The following B3GLCT variants were observed in gnomAD, a reference collection of about 807,000 sequenced individuals.
The protein encoded by B3GLCT is beta 3-glucosyltransferase, also known as beta-1,3-glucosyltransferase.
B3GLCT carries 65 observed loss-of-function variants against 63.4 expected under a neutral mutation model. The ratio of observed to expected loss-of-function variants is 1.03; its 90% CI spans 0.84 to 1.26. B3GLCT has a LOEUF of 1.26. B3GLCT is among the 50% of genes most tolerant of loss of function. The pLI is 0.00. For missense variants in B3GLCT, 577 were observed against 604.8 expected (o/e 0.95, Z 0.48); for synonymous variants, 233 against 219.2 (o/e 1.06, Z -0.55).
chr13:31,233,920 G>C (rs1384703864), intron 4 of B3GLCT, among the ~76,000 whole-genome samples: 1 of 152,092 alleles, frequency 6.6e-6, no homozygotes, highest in Non-Finnish European at 1.5e-5. Context: ...CAAAGTACTG[G>C]GGATACAAAG....
intron 9 of B3GLCT, 98 bp downstream of exon 9, chr13:31,274,726 G>C: frequency 6.8e-7 from 1 of 1,477,746 alleles, no homozygotes; most frequent in Non-Finnish European, 9.4e-7. Context: ...TTTAAATTCA[G>C]GGCATTCATG....
intron 12 of B3GLCT, among the ~76,000 whole-genome samples, chr13:31,300,108 C>T (rs1207702781): frequency 6.6e-6 from 1 of 152,120 alleles, no homozygotes; most frequent in Non-Finnish European, 1.5e-5. Context: ...TTGCCATCCT[C>T]AAACCAAGTA....
At chr13:31,283,864 T>A (rs1367272666) in intron 10 of B3GLCT, among the ~76,000 whole-genome samples, 1 of 152,224 alleles carries the variant, frequency 6.6e-6, no homozygotes. Flanking sequence ...ATGTTTTTTC[T>A]ATTGAAAAAA....
chr13:31,227,235 C>T (rs1156862857), intron 3 of B3GLCT, among the ~76,000 whole-genome samples: 1 of 151,990 alleles, frequency 6.6e-6, no homozygotes, highest in Non-Finnish European at 1.5e-5. Flanking sequence ...ACACTTTTGT[C>T]ATATATCCTT....
chr13:31,262,753 A>G (rs1872101155), intron 7 of B3GLCT, among the ~76,000 whole-genome samples: 2 of 152,148 alleles, frequency 1.3e-5, no homozygotes, highest in Admixed American at 6.5e-5. Context: ...AGGCTGAGCC[A>G]CTGTTCCTTT....
chr13:31,213,624 C>CCCCA (rs1869401428), intron 1 of B3GLCT, among the ~76,000 whole-genome samples: 1 of 73,024 alleles, frequency 1.4e-5, no homozygotes, highest in Non-Finnish European at 3.1e-5. Flanking sequence ...CCACCCCACC[C>CCCCA]CCCCCCCCCG....
intron 6 of B3GLCT, among the ~76,000 whole-genome samples, chr13:31,249,739 G>T (rs1871343484): frequency 6.6e-6 from 1 of 152,164 alleles, no homozygotes; most frequent in Non-Finnish European, 1.5e-5. Context: ...AACCATCCAG[G>T]ATGCTTTATT....
intron 6 of B3GLCT, among the ~76,000 whole-genome samples, chr13:31,255,785 T>C (rs1435870282): frequency 6.6e-6 from 1 of 152,048 alleles, no homozygotes; most frequent in Non-Finnish European, 1.5e-5. Context: ...TTACACCTTA[T>C]GAAAAAATTA....
intron 2 of B3GLCT, 23 bp from the exon 3 acceptor site, chr13:31,222,929 T>A (rs377596461): frequency 2.7e-6 from 4 of 1,464,166 alleles, no homozygotes; most frequent in Non-Finnish European, 3.8e-6. Context: ...GATTCATCTT[T>A]TTCTCTTTCA....
intron 8 of B3GLCT, among the ~76,000 whole-genome samples, chr13:31,269,812 G>A (rs1872503795): frequency 6.6e-6 from 1 of 152,170 alleles, no homozygotes; most frequent in Non-Finnish European, 1.5e-5. Context: ...TGAGGATACA[G>A]CTAGAAGGTG....
At chr13:31,227,023 G>T (rs951078327) in intron 3 of B3GLCT, among the ~76,000 whole-genome samples, 1 of 151,998 alleles carries the variant, frequency 6.6e-6, no homozygotes, top group African/African-American at 2.4e-5. Context: ...ATATATTTAT[G>T]TTTATATTGT....
intron 14 of B3GLCT, among the ~76,000 whole-genome samples, chr13:31,325,945 G>A (rs1875582044): frequency 1.3e-5 from 2 of 152,166 alleles, no homozygotes; most frequent in South Asian, 4.1e-4. Flanking sequence ...GATTTAGAAG[G>A]GGACTCCAGG....
chr13:31,256,732 T>G (rs958388166), intron 6 of B3GLCT, among the ~76,000 whole-genome samples: 2 of 152,092 alleles, frequency 1.3e-5, no homozygotes, highest in African/African-American at 4.8e-5. Context: ...TGAGAACACA[T>G]GGACACAGGG....
rs1489662787 is a variant in B3GLCT, at chr13:31,330,711, T to C, written c.*1043T>C. On this transcript the variant is annotated 3_prime_UTR_variant, in exon 15 of 15. Coordinates refer to ENST00000343307, the MANE Select transcript of B3GLCT (RefSeq NM_194318.4). The stretch of plus-strand genomic sequence containing the variant: ...GTTTTCAAATTATATCTTTAATATA[T>C]AGTAATGTAACATATTCAGTATTAA... 6.6e-6 allele frequency: 1 copy of C among 152,114 alleles called. No individual in the cohort carries two copies. The highest frequency in any genetic ancestry group is 1.5e-5 in the Non-Finnish European group (1 of 68,016). 9.4% of individuals were successfully genotyped at this position (152,114 alleles called of 1,614,324 possible). A position where few individuals can be genotyped will look rare whatever the true frequency, so the allele number is the denominator to read the frequency against.
At chr13:31,291,703 A>G (rs1182064695) in intron 12 of B3GLCT, among the ~76,000 whole-genome samples, 2 of 152,216 alleles carry the variant, frequency 1.3e-5, no homozygotes, top group Non-Finnish European at 2.9e-5. Flanking sequence ...TTATCAGCTT[A>G]AGGAGATTTT....
rs1278731523 is a variant in B3GLCT at position 31,200,168 on chromosome 13, G to T, written c.70+14G>T. On this transcript the variant is annotated intron_variant, in intron 1 of 14. Coordinates refer to ENST00000343307, the MANE Select transcript of B3GLCT (RefSeq NM_194318.4). ...CCTGCTCCCTGGGTAAGTAGCGGGC[G>T]GCCAGGCGCGCAAGGGCGAGGCGTG... 1 of 1,299,768 alleles carries T rather than the reference G, an allele frequency of 7.7e-7. No individual in the cohort carries two copies. The allele number at this position is 1,299,768 out of a possible 1,614,324, so 80.5% of individuals were successfully genotyped here.
chr13:31,206,230 A>G (rs546113317), intron 1 of B3GLCT, among the ~76,000 whole-genome samples: 4 of 152,322 alleles, frequency 2.6e-5, no homozygotes, highest in African/African-American at 9.6e-5. Flanking sequence ...ACTTCAGCAC[A>G]CATGAGAATC....
In B3GLCT at chr13:31,274,696, C is replaced by T. The variant is rs1427423608; in HGVS notation, c.780+68C>T. Reference sequence around the variant, plus strand: ...ATTTAGATGCTGTGCATAATGTCATCCTAGCACTTTAAAATGAATTTTAAA... The same window carrying T: ...ATTTAGATGCTGTGCATAATGTCATTCTAGCACTTTAAAATGAATTTTAAA... On this transcript the variant is annotated intron_variant, in intron 9 of 14. Transcript: ENST00000343307. The T allele has an allele frequency of 3.2e-6, 5 of 1,572,546 alleles. No homozygotes were observed. The East Asian group carries it at 1.1e-4, about 35-fold the overall frequency.
At chr13:31,211,323 G>C (rs924570441) in intron 1 of B3GLCT, among the ~76,000 whole-genome samples, 3 of 152,180 alleles carry the variant, frequency 2.0e-5, no homozygotes, top group African/African-American at 7.2e-5. Flanking sequence ...TTGAACCTGG[G>C]AGGTGGAGGT....
Sources: allele counts gnomAD v4.1 joint callset (sites outside exome capture counted in the v4.1 genomes callset), GRCh38; gene constraint gnomAD v4.1.1; transcripts MANE v1.5; gene names NCBI Gene and HGNC (gene_info 2026-07-23, HGNC 2026-07-21).